PEX13: variants seen among roughly 807,000 people sequenced by gnomAD.
PEX13 encodes peroxisomal biogenesis factor 13.
A neutral mutation model predicts 34.5 loss-of-function variants in PEX13; 28 were observed. The ratio of observed to expected loss-of-function variants is 0.81; its 90% confidence interval spans 0.60 to 1.11. PEX13 has a LOEUF of 1.11. Ranked by LOEUF, PEX13 falls within the 50% of genes most tolerant of loss-of-function variation. The pLI, the probability that PEX13 is intolerant of heterozygous loss-of-function variation, is 0.00. For missense variants in PEX13, 550 were observed against 491.0 expected (o/e 1.12, Z -1.13); for synonymous variants, 177 against 175.1 (o/e 1.01, Z -0.09).
chr2:61,027,176 GAAAA>G (rs1032047207), intron 1 of PEX13, among the ~76,000 whole-genome samples: 3 of 95,140 alleles, frequency 3.2e-5, no homozygotes, highest in Non-Finnish European at 4.6e-5. Flanking sequence ...ATATCAAAAA[GAAAA>G]AAAAAAAAAA....
intron 2 of PEX13, among the ~76,000 whole-genome samples, chr2:61,043,802 A>G (rs552203320): frequency 2.5e-4 from 38 of 152,208 alleles, no homozygotes; most frequent in Non-Finnish European, 4.6e-4. Flanking sequence ...CCGCATGGCA[A>G]TTCAATGGCA....
intron 1 of PEX13, among the ~76,000 whole-genome samples, chr2:61,027,338 C>G (rs76465279): frequency 9.7e-6 from 1 of 103,260 alleles, no homozygotes; most frequent in Admixed American, 1.1e-4. Flanking sequence ...GACTCTGTCT[C>G]AAAAAAAAAA....
intron 1 of PEX13, among the ~76,000 whole-genome samples, chr2:61,025,066 T>C (rs1285753336): frequency 6.6e-6 from 1 of 152,024 alleles, no homozygotes; most frequent in Non-Finnish European, 1.5e-5. Context: ...AAGTTTCTTT[T>C]TTTGTTTGTT....
At chr2:61,031,353 A>C in intron 1 of PEX13, 66 bp from the exon 2 acceptor site, 1 of 1,174,822 alleles carries the variant, frequency 8.5e-7, no homozygotes, top group South Asian at 1.2e-5. Flanking sequence ...GGAGATGTTT[A>C]ATACTTACTT....
intron 1 of PEX13, among the ~76,000 whole-genome samples, chr2:61,026,499 C>T (rs1025827447): frequency 3.9e-5 from 6 of 151,920 alleles, no homozygotes; most frequent in African/African-American, 1.5e-4. Context: ...AGGCGCCCAC[C>T]ACCACGCGTG....
intron 1 of PEX13, chr2:61,018,205 G>C (rs1446059758): frequency 6.4e-7 from 1 of 1,550,916 alleles, no homozygotes; most frequent in Non-Finnish European, 8.7e-7. Context: ...GTCTGTAGCA[G>C]TTGAGAGCGG....
intron 2 of PEX13, among the ~76,000 whole-genome samples, chr2:61,033,616 T>A (rs1559036979): frequency 6.6e-6 from 1 of 152,034 alleles, no homozygotes; most frequent in African/African-American, 2.4e-5. Context: ...GTAAGTGCTA[T>A]AGGGGAAAAA....
intron 1 of PEX13, among the ~76,000 whole-genome samples, chr2:61,027,153 A>G (rs1680370741): frequency 1.3e-5 from 2 of 149,208 alleles, no homozygotes; most frequent in South Asian, 2.1e-4. Flanking sequence ...GCGAGAACCC[A>G]TTTCTACAAA....
At chr2:61,044,802 A>G (rs1156968896) in intron 2 of PEX13, among the ~76,000 whole-genome samples, 3 of 152,238 alleles carry the variant, frequency 2.0e-5, no homozygotes, top group African/African-American at 7.2e-5. Context: ...AAGTAATGTC[A>G]CACTGCTTTA....
intron 2 of PEX13, among the ~76,000 whole-genome samples, chr2:61,037,428 C>A (rs1299150119): frequency 1.3e-5 from 2 of 152,136 alleles, no homozygotes; most frequent in Non-Finnish European, 2.9e-5. Context: ...GTCTCTCAGA[C>A]CACAGTGCAA....
chr2:61,043,254 T>C (rs1403837923), intron 2 of PEX13, among the ~76,000 whole-genome samples: 4 of 151,110 alleles, frequency 2.6e-5, no homozygotes, highest in Admixed American at 6.6e-5. Context: ...CCTGGCACTT[T>C]GGTAGGCCGA....
At chr2:61,022,859 C>A (rs146003790) in intron 1 of PEX13, among the ~76,000 whole-genome samples, 12 of 152,164 alleles carry the variant, frequency 7.9e-5, no homozygotes, top group Non-Finnish European at 1.8e-4. Flanking sequence ...CATAGCAAGA[C>A]CCTGTCTCCA....
At chr2:61,045,478 A>G (rs535669019) in intron 2 of PEX13, among the ~76,000 whole-genome samples, 2 of 152,338 alleles carry the variant, frequency 1.3e-5, no homozygotes, top group East Asian at 3.8e-4. Context: ...CCCTTTTCAG[A>G]AAAAATTTGC....
At position 61,048,882 on chromosome 2, in the gene PEX13, C is replaced by A; in HGVS notation, c.*112C>A. 1.1e-6 allele frequency: 1 copy of A among 934,932 alleles called. No homozygotes were observed. The highest frequency in any genetic ancestry group is 1.7e-6 in the Non-Finnish European group (1 of 601,546). 57.9% of individuals were successfully genotyped at this position (934,932 alleles called of 1,614,324 possible). On this transcript the variant is annotated 3_prime_UTR_variant, in exon 4 of 4. Transcript: ENST00000295030. ...TGAAAACATTTGTTATTGGCTATTTCAGGTGTTTTGCTGCTAGAAATTATT... is the reference window on the plus strand; with the variant it reads ...TGAAAACATTTGTTATTGGCTATTTAAGGTGTTTTGCTGCTAGAAATTATT...
At chr2:61,043,704 G>A (rs527355223) in intron 2 of PEX13, among the ~76,000 whole-genome samples, 1 of 152,332 alleles carries the variant, frequency 6.6e-6, no homozygotes, top group South Asian at 2.1e-4. Context: ...TAGTGTCAAG[G>A]TAAAGTTTAT....
In PEX13 at chr2:61,022,383, G is replaced by A. The variant is rs144233745; in HGVS notation, c.92+4532G>A. Among the ~76,000 whole-genome samples, 1,468 of 152,288 alleles carry A rather than the reference G, an allele frequency of 9.6e-3. 32 individuals carry two copies. Among genetic ancestry groups the A allele is most frequent in the African/African-American group, 0.033 (1,379 of 41,544 alleles). ...ATGGCACAAGAACTTCGTGATGCAC[G>A]CACAAGCTTCAATAGCTGATTCAAT... On this transcript the variant is annotated intron_variant, in intron 1 of 3. Coordinates refer to ENST00000295030, the MANE Select transcript of PEX13 (RefSeq NM_002618.4).
At chr2:61,018,222 T>G (rs767346075) in intron 1 of PEX13, 196 of 1,551,042 alleles carry the variant, frequency 1.3e-4, no homozygotes, top group East Asian at 5.6e-4. Context: ...GCGGCATTTG[T>G]CCAGCCACGG....
chr2:61,040,812 GTA>G (rs915124497), intron 2 of PEX13, among the ~76,000 whole-genome samples: 1 of 146,412 alleles, frequency 6.8e-6, no homozygotes, highest in African/African-American at 2.5e-5. Flanking sequence ...AAGTATATAT[GTA>G]TATATATAAT....
In PEX13 at chr2:61,048,763, A is replaced by T. The variant is rs374289011; in HGVS notation, c.1205A>T (p.Asp402Val). 1 of 1,611,512 alleles carries T rather than the reference A, an allele frequency of 6.2e-7. No homozygotes were observed. Among genetic ancestry groups the T allele is most frequent in the Non-Finnish European group, 8.5e-7 (1 of 1,177,620 alleles). ...ATTGGGAAAGATGGAGAAAAGCAAG[A>T]TCTTTGATATCTTTCATGTTTGCCT... Reference protein sequence around the residue: ...DSIGKDGEKQDL With the variant: ...DSIGKDGEKQVL The change falls in exon 4 of 4, where the codon GAT becomes GTT. Residue 402 changes from aspartate to valine, a missense_variant. By Grantham distance (152) the Asp-to-Val change is radical. Coordinates refer to ENST00000295030, the MANE Select transcript of PEX13 (RefSeq NM_002618.4).
Sources: allele counts gnomAD v4.1 joint callset (sites outside exome capture counted in the v4.1 genomes callset), GRCh38; gene constraint gnomAD v4.1.1; transcripts MANE v1.5; gene names NCBI Gene and HGNC (gene_info 2026-07-23, HGNC 2026-07-21).